GPC1: variants seen among roughly 807,000 people sequenced by gnomAD.
GPC1 encodes glypican 1.
GPC1 carries 26 observed loss-of-function variants against 51.5 expected under a neutral mutation model. That is an observed-to-expected ratio of 0.50 (90% CI 0.37 to 0.70). GPC1 has a LOEUF of 0.70. Among genes scored for constraint, GPC1 ranks in the 30% least tolerant of loss-of-function variants. GPC1 has a pLI of 0.00. For missense variants in GPC1, 775 were observed against 800.5 expected, an observed-to-expected ratio of 0.97 and a Z score of 0.38; for synonymous variants, 380 against 348.3, an observed-to-expected ratio of 1.09 and a Z score of -1.01.
chr2:240,452,918 C>T, intron 1 of GPC1: 1 of 296,624 alleles, frequency 3.4e-6, no homozygotes, highest in Non-Finnish European at 6.8e-6. Flanking sequence ...TCGCCTCCTG[C>T]GAGCCCTTCC....
At chr2:240,456,643 G>A (rs1316827871) in intron 1 of GPC1, 2 of 470,610 alleles carry the variant, frequency 4.2e-6, no homozygotes, top group Admixed American at 2.4e-5. Context: ...GGGCAGCCTG[G>A]ATGGGTGCAC....
chr2:240,453,371 GCCC>G (rs1463498674), intron 1 of GPC1, among the ~76,000 whole-genome samples: 36 of 3,166 alleles, frequency 0.011, 13 homozygotes, highest in African/African-American at 0.046. Flanking sequence ...CGCTCCCTCC[GCCC>G]GCCCCGCTCC....
At chr2:240,464,397 CCCGTGG>C (rs2074242350) in intron 4 of GPC1, 3 of 567,072 alleles carry the variant, frequency 5.3e-6, no homozygotes, top group Non-Finnish European at 9.5e-6. Context: ...TTCACCTGTG[CCCGTGG>C]CACAGGTGCA....
At chr2:240,462,016 T>G (rs1221641428) in intron 2 of GPC1, among the ~76,000 whole-genome samples, 175 bp from the exon 3 acceptor site, 1 of 151,922 alleles carries the variant, frequency 6.6e-6, no homozygotes, top group Non-Finnish European at 1.5e-5. Context: ...GGGTGAGGTC[T>G]CGGGGCGCCC....
intron 1 of GPC1, chr2:240,450,749 G>A (rs999211625): frequency 8.5e-6 from 4 of 469,802 alleles, no homozygotes; most frequent in African/African-American, 8.0e-5. Context: ...ACACTGGGCA[G>A]ATTCCCCCCG....
chr2:240,461,254 G>A (rs35328490), intron 2 of GPC1, among the ~76,000 whole-genome samples: 9,246 of 152,272 alleles, frequency 0.061, 376 homozygotes, highest in South Asian at 0.088. Context: ...GCCTTGCCAG[G>A]GGTCAGCGTG....
intron 4 of GPC1, chr2:240,463,999 G>GT (rs1292564739): frequency 4.7e-6 from 1 of 212,770 alleles, no homozygotes. Flanking sequence ...CACGTGTGTG[G>GT]TAATATGTAC....
intron 2 of GPC1, among the ~76,000 whole-genome samples, chr2:240,461,339 C>T (rs1186256337): frequency 1.3e-5 from 2 of 152,204 alleles, no homozygotes; most frequent in East Asian, 3.9e-4. Flanking sequence ...TACCCTGGAG[C>T]ACCTTGTGGT....
At chr2:240,454,876 T>C in intron 1 of GPC1, 1 of 193,198 alleles carries the variant, frequency 5.2e-6, no homozygotes, top group Non-Finnish European at 1.2e-5. Context: ...TCTGGACAAA[T>C]GAGGTCTGGG....
rs1392573679 is a variant in GPC1, at chr2:240,436,053, C to T, written c.135C>T (p.Ser45=). 7.5e-7 allele frequency: 1 copy of T among 1,341,140 alleles called. No individual in the cohort carries two copies. The highest frequency in any genetic ancestry group is 2.1e-5 in the South Asian group (1 of 48,746). 83.1% of individuals were successfully genotyped at this position (1,341,140 alleles called of 1,614,324 possible). ...AGATCTACGGAGCCAAGGGCTTCAG[C>T]CTGAGCGACGTGCCCCAGGCGGAGA... The part of the protein sequence containing the change: ...VRQIYGAKGF[S]LSDVPQAEIS... The change falls in exon 1 of 9, where the codon AGC becomes AGT. Residue 45 remains serine (S), a synonymous_variant. Transcript: ENST00000264039.
chr2:240,463,855 G>T (rs1277009455), intron 4 of GPC1: 2 of 328,570 alleles, frequency 6.1e-6, no homozygotes, highest in Non-Finnish European at 1.1e-5. Flanking sequence ...TACATGCACC[G>T]TCACATGACA....
At chr2:240,455,395 G>C (rs540433819) in intron 1 of GPC1, among the ~76,000 whole-genome samples, 3 of 152,200 alleles carry the variant, frequency 2.0e-5, no homozygotes, top group Non-Finnish European at 4.4e-5. Flanking sequence ...GAGCAGGCCC[G>C]GTGACCTTGA....
At chr2:240,439,885 G>A (rs767680681) in intron 1 of GPC1, among the ~76,000 whole-genome samples, 2 of 152,172 alleles carry the variant, frequency 1.3e-5, no homozygotes, top group Admixed American at 6.5e-5. Flanking sequence ...CGTGAGGACC[G>A]AGCGGAGCCC....
At chr2:240,440,593 G>T (rs572240996) in intron 1 of GPC1, among the ~76,000 whole-genome samples, 2,066 of 128,156 alleles carry the variant, frequency 0.016, 20 homozygotes, top group African/African-American at 0.057. Flanking sequence ...CCCTGCCTCC[G>T]GTCCTGCCCA....
At chr2:240,453,761 C>T (rs1162810894) in intron 1 of GPC1, among the ~76,000 whole-genome samples, 2 of 151,920 alleles carry the variant, frequency 1.3e-5, no homozygotes, top group Admixed American at 6.5e-5. Context: ...CGCGGTTTGC[C>T]GTCTTCGTCC....
At chr2:240,462,107 T>A in intron 2 of GPC1, 84 bp from the exon 3 acceptor site, 1 of 1,298,864 alleles carries the variant, frequency 7.7e-7, no homozygotes, top group Non-Finnish European at 1.0e-6. Flanking sequence ...CAGAGCTGAG[T>A]CTCCCGGGCT....
chr2:240,453,703 C>T (rs1212675914), intron 1 of GPC1, among the ~76,000 whole-genome samples: 1 of 151,080 alleles, frequency 6.6e-6, no homozygotes, highest in Non-Finnish European at 1.5e-5. Context: ...CCTCGCCGGG[C>T]CGCCGGCGCT....
Position 240,466,104 on chromosome 2 carries a change from C to T in GPC1, c.1491C>T (p.Asp497=), listed in dbSNP as rs1271975216. The stretch of plus-strand genomic sequence containing the variant: ...GCAGCGGTGATGGCTGTCTGGATGA[C>T]CTCTGCAGCCGGAAGGTCAGCAGGA... ...GSGSGDGCLD[D]LCSRKVSRKS... The change falls in exon 9 of 9, where the codon GAC becomes GAT. Residue 497 remains aspartate (D), a synonymous_variant. Coordinates refer to ENST00000264039, the MANE Select transcript of GPC1 (RefSeq NM_002081.3). 46 of 1,612,606 alleles carry T rather than the reference C, an allele frequency of 2.9e-5. No homozygotes were observed. Among genetic ancestry groups the T allele is most frequent in the Non-Finnish European group, 3.7e-5 (44 of 1,179,840 alleles).
Position 240,463,529 on chromosome 2 carries a change from G to C in GPC1, c.883+17G>C, listed in dbSNP as rs374599354. On this transcript the variant is annotated intron_variant, in intron 4 of 8. Coordinates refer to ENST00000264039, the MANE Select transcript of GPC1 (RefSeq NM_002081.3). The stretch of plus-strand genomic sequence containing the variant: ...ACCTCCTGGGTGAGCCCCCACCCGC[G>C]AGAGCGGCCTGGAACTGTCTTGGGG... The C allele has an allele frequency of 6.2e-7, 1 of 1,611,038 alleles. No homozygotes were observed.
Sources: gnomAD v4.1 joint callset for allele counts (sites outside exome capture counted in the v4.1 genomes callset) on GRCh38, gnomAD v4.1.1 for gene constraint, MANE v1.5 for transcripts, NCBI Gene and HGNC (gene_info 2026-07-23, HGNC 2026-07-21) for gene names.